CRACDL: variants seen among roughly 807,000 people sequenced by gnomAD.
The protein encoded by CRACDL is CRACD like.
Under a neutral mutation model 70.6 loss-of-function variants are expected in CRACDL, and 26 were observed. The observed-to-expected ratio is 0.37, with a 90% CI of 0.27 to 0.51. The LOEUF (loss-of-function observed/expected upper bound fraction) is 0.51. Among genes scored for constraint, CRACDL ranks in the 20% least tolerant of loss-of-function variants. The pLI, the probability that CRACDL is intolerant of heterozygous loss-of-function variation, is 0.94. For missense variants in CRACDL, 1,283 were observed against 1,376.9 expected (o/e 0.93, Z 1.08); for synonymous variants, 618 against 615.2 (o/e 1.00, Z -0.07).
intron 1 of CRACDL, among the ~76,000 whole-genome samples, chr2:98,933,598 G>A (rs1290557617): frequency 6.6e-6 from 1 of 152,102 alleles, no homozygotes; most frequent in African/African-American, 2.4e-5. Flanking sequence ...GAGTCCACCT[G>A]CAACACAAGC....
intron 1 of CRACDL, among the ~76,000 whole-genome samples, chr2:98,911,897 T>C (rs1010136912): frequency 6.6e-6 from 1 of 152,244 alleles, no homozygotes; most frequent in Non-Finnish European, 1.5e-5. Flanking sequence ...GGTAACATGA[T>C]GTGCCCATAC....
intron 1 of CRACDL, among the ~76,000 whole-genome samples, chr2:98,885,864 C>T (rs1707786218): frequency 6.6e-6 from 1 of 150,872 alleles, no homozygotes. Flanking sequence ...GCAAAAATGA[C>T]AGAATAAGGA....
intron 1 of CRACDL, among the ~76,000 whole-genome samples, chr2:98,901,239 C>T (rs909827228): frequency 6.6e-5 from 10 of 152,232 alleles, no homozygotes; most frequent in Non-Finnish European, 1.3e-4. Flanking sequence ...ATAGAAAGGG[C>T]TCAATAAATG....
At chr2:98,808,525 G>T (rs116480973) in intron 7 of CRACDL, among the ~76,000 whole-genome samples, 3,650 of 152,244 alleles carry the variant, frequency 0.024, 81 homozygotes, top group Non-Finnish European at 0.032. Flanking sequence ...AGATGACCCA[G>T]TTCTTGAGAA....
intron 3 of CRACDL, among the ~76,000 whole-genome samples, chr2:98,834,499 T>A (rs556232234): frequency 2.6e-5 from 4 of 152,236 alleles, no homozygotes; most frequent in African/African-American, 9.6e-5. Context: ...CAGCACTGCA[T>A]GGGAAAGGGG....
At position 98,822,315 on chromosome 2, in the gene CRACDL, C is replaced by T. The variant is rs893897442; in HGVS notation, c.1958G>A (p.Ser653Asn). The change falls in exon 7 of 10, where the codon AGC (serine) becomes AAC (asparagine). Residue 653 changes from serine (S) to asparagine (N), a missense_variant. Around this residue, in one of 2 missense-constraint regions of CRACDL, gnomAD observed 921 missense variants for 881.9 expected, o/e 1.04. Coordinates refer to ENST00000397899, the MANE Select transcript of CRACDL (RefSeq NM_207362.3). This position sits in a 1 kb window ranked among gnomAD's most constrained non-coding sequence, Gnocchi z 4.9. ...RAASPAGPRK[S>N]PQEAAAAPGT... The stretch of plus-strand genomic sequence containing the variant: ...GGGCGCGGCGGCCGCCTCCTGAGGG[C>T]TCTTGCGCGGCCCGGCCGGGCTGGC... The T allele has an allele frequency of 2.0e-6, 3 of 1,481,508 alleles. No individual in the cohort carries two copies. The highest frequency in any genetic ancestry group is 2.9e-5 in the African/African-American group (2 of 68,422). 91.8% of individuals were successfully genotyped at this position (1,481,508 alleles called of 1,614,324 possible).
chr2:98,863,523 T>C (rs1163850677), intron 1 of CRACDL, among the ~76,000 whole-genome samples: 1 of 152,184 alleles, frequency 6.6e-6, no homozygotes, highest in Non-Finnish European at 1.5e-5. Context: ...GTAAAAATGG[T>C]TTGTAACTCC....
rs1353332016 is a variant in CRACDL, at chr2:98,897,354, GC to G, written c.-11+38583del. ...TGACAGCATCGCTAAATATATATTTGCCTTGCTCCTCTTAGCACCTACCTTT... is the reference window on the plus strand; with the variant it reads ...TGACAGCATCGCTAAATATATATTTGCTTGCTCCTCTTAGCACCTACCTTT... On this transcript the variant is annotated intron_variant, in intron 1 of 9. Transcript: ENST00000397899. 4.6e-6 allele frequency: 6 copies of G among 1,300,296 alleles called. No homozygotes were observed. In the East Asian group the frequency reaches 2.8e-4, roughly 60 times the overall value. The allele number at this position is 1,300,296 out of a possible 1,614,324, so 80.5% of individuals were successfully genotyped here.
Position 98,854,009 on chromosome 2 carries a change from C to T in CRACDL, c.-10-7199G>A, listed in dbSNP as rs115237357. Among the ~76,000 whole-genome samples, 1,007 of 152,132 alleles carry T rather than the reference C, an allele frequency of 6.6e-3. 8 individuals carry two copies. Among genetic ancestry groups the T allele is most frequent in the African/African-American group, 0.02 (842 of 41,502 alleles). ...AGGAACAAAAACAAAACCAAGCTGG[C>T]GCAGTGGCTCACACCTGTAATACCA... On this transcript the variant is annotated intron_variant, in intron 1 of 9. Coordinates refer to ENST00000397899, the MANE Select transcript of CRACDL (RefSeq NM_207362.3).
intron 1 of CRACDL, among the ~76,000 whole-genome samples, chr2:98,926,297 G>A (rs934794779): frequency 5.9e-5 from 9 of 152,236 alleles, no homozygotes; most frequent in Middle Eastern, 3.4e-3. Flanking sequence ...TTCCTGGATG[G>A]GCTAGAAGCA....
In CRACDL at chr2:98,913,597, G is replaced by A. The variant is rs556865494; in HGVS notation, c.-11+22341C>T. The stretch of plus-strand genomic sequence containing the variant: ...GAGGGTGCAGGCAGAGGGCCAAGCC[G>A]ATGGACTCACCCAGGAGTCCCTTAG... On this transcript the variant is annotated intron_variant, in intron 1 of 9. Coordinates refer to ENST00000397899, the MANE Select transcript of CRACDL (RefSeq NM_207362.3). Among the ~76,000 whole-genome samples the A allele has an allele frequency of 3.4e-4, 52 of 152,246 alleles. 2 individuals carry two copies. The South Asian group carries it at 7.3e-3, about 21-fold the overall frequency.
intron 9 of CRACDL, 31 bp downstream of exon 9, chr2:98,796,089 A>C: frequency 6.3e-7 from 1 of 1,596,380 alleles, no homozygotes; most frequent in Non-Finnish European, 8.6e-7. Flanking sequence ...AATGATTTCA[A>C]AGTATGTGGT....
chr2:98,846,293 G>A (rs1410406528), intron 2 of CRACDL, among the ~76,000 whole-genome samples: 1 of 152,132 alleles, frequency 6.6e-6, no homozygotes, highest in East Asian at 1.9e-4. Context: ...CAGAACAAAA[G>A]TCATGAAGGA....
chr2:98,873,468 G>T (rs924565543), intron 1 of CRACDL, among the ~76,000 whole-genome samples: 1 of 152,176 alleles, frequency 6.6e-6, no homozygotes, highest in African/African-American at 2.4e-5. Flanking sequence ...CACACACAGG[G>T]ACCACAGTGG....
At chr2:98,801,155 CTTCT>C (rs1432570717) in intron 7 of CRACDL, among the ~76,000 whole-genome samples, 10 of 152,252 alleles carry the variant, frequency 6.6e-5, no homozygotes, top group Non-Finnish European at 1.3e-4. Flanking sequence ...TCTGTATTCT[CTTCT>C]TTCTCACCTT....
chr2:98,836,188 A>T (rs1705772462), intron 3 of CRACDL, among the ~76,000 whole-genome samples: 1 of 152,210 alleles, frequency 6.6e-6, no homozygotes, highest in South Asian at 2.1e-4. Flanking sequence ...AACCGCACAG[A>T]CACAGACACG....
chr2:98,860,551 T>C (rs1706897637), intron 1 of CRACDL, among the ~76,000 whole-genome samples: 1 of 152,202 alleles, frequency 6.6e-6, no homozygotes, highest in Non-Finnish European at 1.5e-5. Context: ...CAAACCGGGC[T>C]GGAACAAGTA....
rs1281068195 is a variant in CRACDL at position 98,925,186 on chromosome 2, G to A, written c.-11+10752C>T. ...CCAGCCAGGGTCCAGTCCTAGGTGG[G>A]ACTTCAAGGAGGAGGAAGGAGCTGA... is the stretch of plus-strand genomic sequence containing the variant. On this transcript the variant is annotated intron_variant, in intron 1 of 9. Coordinates refer to ENST00000397899, the MANE Select transcript of CRACDL (RefSeq NM_207362.3). 3.3e-5 allele frequency among the ~76,000 whole-genome samples: 5 copies of A among 152,216 alleles called. No homozygotes were observed. In the East Asian group the frequency reaches 7.7e-4, roughly 23 times the overall value.
chr2:98,930,886 T>A (rs1364591904), intron 1 of CRACDL, among the ~76,000 whole-genome samples: 1 of 152,120 alleles, frequency 6.6e-6, no homozygotes. Flanking sequence ...TACCTATAAA[T>A]AATTTATGGA....
Sources: gnomAD v4.1 joint callset for allele counts (sites outside exome capture counted in the v4.1 genomes callset) on GRCh38, gnomAD v4.1.1 for gene constraint, gnomAD v4.1.1 regional missense constraint, Gnocchi (gnomAD v3.1) non-coding constraint, MANE v1.5 for transcripts, NCBI Gene and HGNC (gene_info 2026-07-23, HGNC 2026-07-21) for gene names.